LDAH: variants seen among roughly 807,000 people sequenced by gnomAD.
LDAH encodes lipid droplet-associated hydrolase.
In LDAH, 26 loss-of-function variants were observed where a neutral mutation model predicts 29.6. The ratio of observed to expected loss-of-function variants is 0.88; its 90% confidence interval spans 0.64 to 1.22. The LOEUF is 1.22. Among genes scored for constraint, LDAH ranks in the 50% most tolerant of loss-of-function variants. The pLI is 0.00. For missense variants in LDAH, 344 were observed against 387.3 expected (o/e 0.89, Z 0.94); for synonymous variants, 117 against 133.0 (o/e 0.88, Z 0.83).
chr2:20,758,811 A>T (rs1032448436), intron 4 of LDAH, among the ~76,000 whole-genome samples: 3 of 152,198 alleles, frequency 2.0e-5, no homozygotes, highest in African/African-American at 7.2e-5. Context: ...ATATATATCT[A>T]GACAATGAGA....
chr2:20,810,204 T>C (rs1672371722), intron 1 of LDAH, among the ~76,000 whole-genome samples: 1 of 152,174 alleles, frequency 6.6e-6, no homozygotes, highest in Non-Finnish European at 1.5e-5. Flanking sequence ...TGGAAGTATC[T>C]TTGTTCATAT....
At chr2:20,718,918 G>A (rs558608038) in intron 5 of LDAH, among the ~76,000 whole-genome samples, 106 of 150,974 alleles carry the variant, frequency 7.0e-4, no homozygotes, top group African/African-American at 2.5e-3. Flanking sequence ...ATGACCAATG[G>A]GTCAATGAAG....
chr2:20,694,318 CAA>C (rs755090174), intron 6 of LDAH, among the ~76,000 whole-genome samples: 35 of 152,328 alleles, frequency 2.3e-4, no homozygotes, highest in Middle Eastern at 3.4e-3. Flanking sequence ...CCCTCAGAGT[CAA>C]AGACATGTAA....
At chr2:20,817,619 C>T (rs1315211152) in intron 1 of LDAH, among the ~76,000 whole-genome samples, 1 of 152,088 alleles carries the variant, frequency 6.6e-6, no homozygotes, top group Non-Finnish European at 1.5e-5. Context: ...TATTAATTCA[C>T]TAAACATACA....
At chr2:20,743,091 C>A (rs1408403589) in intron 4 of LDAH, among the ~76,000 whole-genome samples, 1 of 152,008 alleles carries the variant, frequency 6.6e-6, no homozygotes, top group Non-Finnish European at 1.5e-5. Context: ...CACTGATGTT[C>A]AAAGTGATTA....
chr2:20,815,505 CAAAG>C (rs1439737202), intron 1 of LDAH, among the ~76,000 whole-genome samples: 1 of 151,510 alleles, frequency 6.6e-6, no homozygotes, highest in Admixed American at 6.6e-5. Context: ...AAATTAAAAA[CAAAG>C]AAAAAAATCT....
At chr2:20,690,606 C>T (rs1662934393) in intron 6 of LDAH, among the ~76,000 whole-genome samples, 1 of 152,026 alleles carries the variant, frequency 6.6e-6, no homozygotes, top group Admixed American at 6.6e-5. Context: ...AATTATAAAT[C>T]ACAGGCAATA....
chr2:20,747,722 G>A (rs1036698651), intron 4 of LDAH, among the ~76,000 whole-genome samples: 1 of 152,154 alleles, frequency 6.6e-6, no homozygotes, highest in Non-Finnish European at 1.5e-5. Flanking sequence ...ATGTCAGAAA[G>A]ATAAGAATAT....
chr2:20,816,847 A>T (rs1672887067), intron 1 of LDAH, among the ~76,000 whole-genome samples: 1 of 152,070 alleles, frequency 6.6e-6, no homozygotes, highest in Non-Finnish European at 1.5e-5. Flanking sequence ...CTTAAAAATT[A>T]AAAATTATAC....
intron 5 of LDAH, among the ~76,000 whole-genome samples, chr2:20,709,840 C>A (rs1161072805): frequency 6.6e-6 from 1 of 152,142 alleles, no homozygotes; most frequent in African/African-American, 2.4e-5. Flanking sequence ...AGCACTGGCA[C>A]ATGCTAAACC....
chr2:20,751,980 C>T (rs62123978), intron 4 of LDAH, among the ~76,000 whole-genome samples: 6,348 of 152,226 alleles, frequency 0.042, 214 homozygotes, highest in East Asian at 0.13. Flanking sequence ...CAGCTTCAAC[C>T]TCCTGGGCTC....
At chr2:20,752,480 G>A (rs1668036320) in intron 4 of LDAH, among the ~76,000 whole-genome samples, 1 of 152,240 alleles carries the variant, frequency 6.6e-6, no homozygotes, top group South Asian at 2.1e-4. Flanking sequence ...CAATGGCAAT[G>A]TATTAGTTTC....
At chr2:20,773,818 G>A (rs888804323) in intron 4 of LDAH, among the ~76,000 whole-genome samples, 4 of 152,108 alleles carry the variant, frequency 2.6e-5, no homozygotes, top group Admixed American at 6.5e-5. Context: ...TTTATCCCAC[G>A]GAGTGAGAAA....
intron 5 of LDAH, among the ~76,000 whole-genome samples, chr2:20,723,463 A>T (rs1022641612): frequency 8.6e-5 from 13 of 151,746 alleles, no homozygotes; most frequent in South Asian, 2.1e-4. Flanking sequence ...TTCTTAAATT[A>T]AAAAAAAACT....
At chr2:20,763,720 T>C (rs1319957761) in intron 4 of LDAH, among the ~76,000 whole-genome samples, 1 of 152,228 alleles carries the variant, frequency 6.6e-6, no homozygotes, top group Non-Finnish European at 1.5e-5. Flanking sequence ...ATTAGACATC[T>C]GAGAGGATGG....
chr2:20,687,703 CAG>C (rs1480565467), intron 6 of LDAH, among the ~76,000 whole-genome samples: 8 of 152,226 alleles, frequency 5.3e-5, no homozygotes, highest in Non-Finnish European at 1.0e-4. Flanking sequence ...TGAATGGAGA[CAG>C]AGCCTCCTCT....
intron 4 of LDAH, among the ~76,000 whole-genome samples, chr2:20,745,228 A>G (rs965891443): frequency 1.3e-5 from 2 of 152,200 alleles, no homozygotes; most frequent in Non-Finnish European, 2.9e-5. Context: ...AGATAATTAC[A>G]AAGAGTTTTC....
At chr2:20,713,604 G>T (rs1664934497) in intron 5 of LDAH, among the ~76,000 whole-genome samples, 1 of 152,174 alleles carries the variant, frequency 6.6e-6, no homozygotes, top group Non-Finnish European at 1.5e-5. Context: ...ATTGGATAGA[G>T]TCAAGACCCA....
intron 4 of LDAH, among the ~76,000 whole-genome samples, chr2:20,754,726 T>G (rs1459444884): frequency 6.6e-6 from 1 of 151,880 alleles, no homozygotes; most frequent in East Asian, 1.9e-4. Flanking sequence ...AAAGGAAACA[T>G]GAGACAAATA....
Sources: gnomAD v4.1 joint callset for allele counts (sites outside exome capture counted in the v4.1 genomes callset) on GRCh38, gnomAD v4.1.1 for gene constraint, MANE v1.5 for transcripts, NCBI Gene and HGNC (gene_info 2026-07-23, HGNC 2026-07-21) for gene names.